ROBO1: variants seen among roughly 807,000 people sequenced by gnomAD.
ROBO1 encodes the protein roundabout guidance receptor 1, also known as roundabout homolog 1.
Under a neutral mutation model 195.9 loss-of-function variants are expected in ROBO1, and 149 were observed. That is an observed-to-expected ratio of 0.76 (90% CI 0.67 to 0.87). The LOEUF (loss-of-function observed/expected upper bound fraction) is 0.87. Ranked by LOEUF, ROBO1 falls within the 40% of genes least tolerant of loss-of-function variation. The pLI, the probability that ROBO1 is intolerant of heterozygous loss-of-function variation, is 0.00. For missense variants in ROBO1, 1,933 were observed against 2,068.3 expected, an observed-to-expected ratio of 0.93 and a Z score of 1.27; for synonymous variants, 816 against 733.2, an observed-to-expected ratio of 1.11 and a Z score of -1.82.
Position 78,668,514 on chromosome 3 carries a change from C to T in ROBO1, c.1600G>A (p.Ala534Thr), listed in dbSNP as rs777750405. 3.1e-6 allele frequency: 5 copies of T among 1,613,756 alleles called. No homozygotes were observed. The highest frequency in any genetic ancestry group is 4.2e-6 in the Non-Finnish European group (5 of 1,179,824). ...ACTTCAATGTAAGCACTCCATGTTGCTTCACCACTGGGGGTTGATGCAATG... is the reference window on the plus strand; with the variant it reads ...ACTTCAATGTAAGCACTCCATGTTGTTTCACCACTGGGGGTTGATGCAATG... Reference protein sequence around the residue: ...TCIASTPSGEATWSAYIEVQE... With the variant: ...TCIASTPSGETTWSAYIEVQE... The change falls in exon 12 of 31, where the codon GCA (alanine) becomes ACA (threonine). Residue 534 changes from alanine to threonine, a missense_variant. Ala to Thr is a moderately conservative substitution (Grantham distance 58, BLOSUM62 0). Transcript: ENST00000464233.
At chr3:78,773,764 T>C (rs1363266677) in intron 4 of ROBO1, among the ~76,000 whole-genome samples, 1 of 152,172 alleles carries the variant, frequency 6.6e-6, no homozygotes, top group Non-Finnish European at 1.5e-5. Context: ...GTCTCATATA[T>C]AGCAAACTGT....
chr3:79,228,184 AAGAAAAAGG>A (rs1251333480), intron 2 of ROBO1, among the ~76,000 whole-genome samples: 5 of 152,200 alleles, frequency 3.3e-5, no homozygotes, highest in Non-Finnish European at 7.3e-5. Flanking sequence ...GGAAAAGAAG[AAGAAAAAGG>A]AGAAAAAGAA....
chr3:79,440,875 G>A (rs955707521), intron 2 of ROBO1, among the ~76,000 whole-genome samples: 1 of 152,096 alleles, frequency 6.6e-6, no homozygotes, highest in Non-Finnish European at 1.5e-5. Flanking sequence ...GGCTTCGGAT[G>A]CCATCAAATG....
Position 78,635,797 on chromosome 3 carries a change from C to A in ROBO1, c.3349G>T (p.Val1117Leu). ...QEVAPVQYNI[V>L]EQNKLNKDYR... The stretch of plus-strand genomic sequence containing the variant: ...CCTTTGTTCAGCTTGTTTTGCTCCA[C>A]GATGTTGTACTGAACTGGTGCCACT... Residue 1117 changes from valine to leucine, a missense_variant, in exon 23 of 31, where the codon GTG becomes TTG. Transcript: ENST00000464233. 6 of 1,613,714 alleles carry A rather than the reference C, an allele frequency of 3.7e-6. No homozygotes were observed. Among genetic ancestry groups the A allele is most frequent in the Non-Finnish European group, 5.1e-6 (6 of 1,179,742 alleles).
intron 2 of ROBO1, among the ~76,000 whole-genome samples, chr3:79,382,245 T>C (rs1009494951): frequency 2.6e-5 from 4 of 152,212 alleles, no homozygotes; most frequent in African/African-American, 9.6e-5. Flanking sequence ...TTATCAAGAA[T>C]ATATTTTTAA....
At chr3:79,440,826 G>A (rs2039028662) in intron 2 of ROBO1, among the ~76,000 whole-genome samples, 1 of 152,068 alleles carries the variant, frequency 6.6e-6, no homozygotes, top group Non-Finnish European at 1.5e-5. Context: ...TTAAAGTAAT[G>A]AGAAAAATTG....
intron 2 of ROBO1, among the ~76,000 whole-genome samples, chr3:79,457,349 G>A (rs781287065): frequency 6.6e-6 from 1 of 152,012 alleles, no homozygotes; most frequent in Admixed American, 6.6e-5. Flanking sequence ...TTATCTGTAT[G>A]AGGGGTACTC....
At chr3:78,798,050 G>A (rs1038945021) in intron 4 of ROBO1, among the ~76,000 whole-genome samples, 30 of 152,086 alleles carry the variant, frequency 2.0e-4, no homozygotes, top group African/African-American at 6.8e-4. Context: ...CTCACATTTT[G>A]CACACAAAAT....
At chr3:78,810,185 C>G (rs545497853) in intron 4 of ROBO1, among the ~76,000 whole-genome samples, 1 of 152,270 alleles carries the variant, frequency 6.6e-6, no homozygotes, top group South Asian at 2.1e-4. Flanking sequence ...AGCTTGCAAA[C>G]TAGGTTTTTA....
chr3:79,127,482 C>G (rs2080238101), intron 2 of ROBO1, among the ~76,000 whole-genome samples: 1 of 152,132 alleles, frequency 6.6e-6, no homozygotes, highest in Non-Finnish European at 1.5e-5. Context: ...ACAATGCAGA[C>G]TTTTAAGGGA....
At chr3:79,437,747 T>C (rs2038934186) in intron 2 of ROBO1, among the ~76,000 whole-genome samples, 1 of 151,864 alleles carries the variant, frequency 6.6e-6, no homozygotes, top group East Asian at 1.9e-4. Flanking sequence ...TTGTGTATAG[T>C]GGGAGTTGGT....
At chr3:78,786,389 A>T (rs1319432333) in intron 4 of ROBO1, among the ~76,000 whole-genome samples, 1 of 152,170 alleles carries the variant, frequency 6.6e-6, no homozygotes, top group African/African-American at 2.4e-5. Context: ...TAAAATCATT[A>T]ATTGAGTGCT....
intron 2 of ROBO1, among the ~76,000 whole-genome samples, chr3:79,252,536 G>A (rs2082750791): frequency 6.6e-6 from 1 of 152,082 alleles, no homozygotes; most frequent in Admixed American, 6.6e-5. Context: ...TTGGTTTTTC[G>A]GCTTCCAGAA....
intron 4 of ROBO1, among the ~76,000 whole-genome samples, chr3:78,898,975 T>C (rs909365219): frequency 5.3e-5 from 8 of 152,088 alleles, no homozygotes; most frequent in African/African-American, 1.9e-4. Context: ...ACCGTGTATA[T>C]AGCGCATCCC....
intron 2 of ROBO1, among the ~76,000 whole-genome samples, chr3:79,381,297 C>T (rs1575750936): frequency 1.5e-5 from 2 of 133,956 alleles, no homozygotes; most frequent in South Asian, 4.6e-4. Context: ...GCAGAGGTTG[C>T]AGTGAGCCGA....
At chr3:79,688,700 T>C (rs913442931) in intron 1 of ROBO1, among the ~76,000 whole-genome samples, 1 of 152,080 alleles carries the variant, frequency 6.6e-6, no homozygotes, top group South Asian at 2.1e-4. Context: ...TTTGGATTAA[T>C]TTAATTCAAA....
intron 21 of ROBO1, among the ~76,000 whole-genome samples, chr3:78,640,634 G>A (rs1181041818): frequency 6.6e-6 from 1 of 152,134 alleles, no homozygotes; most frequent in East Asian, 1.9e-4. Context: ...CTCTTTTACT[G>A]TGCATTGGGA....
At chr3:78,949,631 C>G (rs568791427) in intron 3 of ROBO1, among the ~76,000 whole-genome samples, 3 of 151,990 alleles carry the variant, frequency 2.0e-5, no homozygotes, top group Admixed American at 2.0e-4. Context: ...ACACCAAAAG[C>G]AATGGCAACA....
At chr3:78,716,316 T>C (rs756351587) in intron 7 of ROBO1, among the ~76,000 whole-genome samples, 79 of 152,158 alleles carry the variant, frequency 5.2e-4, no homozygotes, top group Non-Finnish European at 9.3e-4. Context: ...CAGTTCCACA[T>C]GGCTGGGGAG....
Sources: gnomAD v4.1 joint callset for allele counts (sites outside exome capture counted in the v4.1 genomes callset) on GRCh38, gnomAD v4.1.1 for gene constraint, MANE v1.5 for transcripts, NCBI Gene and HGNC (gene_info 2026-07-23, HGNC 2026-07-21) for gene names.